ARID1B: variants seen among roughly 807,000 people sequenced by gnomAD.
ARID1B encodes the protein AT-rich interaction domain 1B.
Under a neutral mutation model 212.3 loss-of-function variants are expected in ARID1B, and 30 were observed. The observed-to-expected ratio is 0.14, with a 90% CI of 0.11 to 0.19. ARID1B has a LOEUF of 0.19. ARID1B is among the 10% of genes least tolerant of loss of function. ARID1B has a pLI of 1.00. For synonymous variants in ARID1B, 1,402 were observed against 1,301.7 expected (o/e 1.08, Z -1.66); for missense variants, 2,891 against 3,204.0 (o/e 0.90, Z 2.36).
At chr6:157,012,020 A>C (rs1255475678) in intron 4 of ARID1B, among the ~76,000 whole-genome samples, 2 of 152,252 alleles carry the variant, frequency 1.3e-5, no homozygotes, top group East Asian at 3.8e-4. Context: ...CTCAGAAGAA[A>C]CACATAAATG....
Position 157,084,864 on chromosome 6 carries a change from A to G in ARID1B, c.2450A>G (p.Asn817Ser), listed in dbSNP as rs763191352. The G allele has an allele frequency of 5.3e-5, 86 of 1,614,038 alleles. No individual in the cohort carries two copies. Among genetic ancestry groups the G allele is most frequent in the Non-Finnish European group, 6.9e-5 (82 of 1,180,016 alleles). Residue 817 changes from asparagine to serine, a missense_variant, in exon 5 of 20, where the codon AAC becomes AGC. By Grantham distance (46) the Asn-to-Ser change is conservative (BLOSUM62 1). This residue lies in a region of ARID1B where 1,643 missense variants were observed against 1,544.0 expected (regional missense o/e 1.06). Coordinates refer to ENST00000636930, the MANE Select transcript of ARID1B (RefSeq NM_001374828.1). Reference sequence around the variant, plus strand: ...CCTGTTGGCTCTCCTGTAGGAAGCAACCAGTCTCGATCTGGCCCAATCTCT... The same window carrying G: ...CCTGTTGGCTCTCCTGTAGGAAGCAGCCAGTCTCGATCTGGCCCAATCTCT... ...PSPVGSPVGS[N>S]QSRSGPISPA...
chr6:157,171,679 C>T (rs1278582561), intron 9 of ARID1B, among the ~76,000 whole-genome samples: 1 of 152,108 alleles, frequency 6.6e-6, no homozygotes. Flanking sequence ...AACAGTGCCA[C>T]TTTTGATAAT....
intron 4 of ARID1B, among the ~76,000 whole-genome samples, chr6:157,031,190 T>G (rs1249945448): frequency 6.6e-6 from 1 of 152,208 alleles, no homozygotes; most frequent in Non-Finnish European, 1.5e-5. Flanking sequence ...ACCCATATGC[T>G]TCTCCTGCAG....
chr6:156,937,068 C>G (rs1031991487), intron 4 of ARID1B: 5 of 151,218 alleles, frequency 3.3e-5, no homozygotes, highest in African/African-American at 1.2e-4. Flanking sequence ...TTCCCCCCCC[C>G]TTTAGTAGTG....
intron 4 of ARID1B, among the ~76,000 whole-genome samples, chr6:157,040,687 C>T (rs1781828402): frequency 6.6e-6 from 1 of 152,212 alleles, no homozygotes; most frequent in East Asian, 1.9e-4. Context: ...AGTGTGCAGT[C>T]TCGCAAAACT....
At chr6:157,187,688 A>G (rs1793066549) in intron 13 of ARID1B, among the ~76,000 whole-genome samples, 2 of 151,810 alleles carry the variant, frequency 1.3e-5, no homozygotes, top group Non-Finnish European at 1.5e-5. Context: ...GATGTCCTAG[A>G]GAGCCTGCCA....
intron 2 of ARID1B, among the ~76,000 whole-genome samples, chr6:156,834,542 T>C (rs914648333): frequency 6.6e-6 from 1 of 152,270 alleles, no homozygotes; most frequent in Admixed American, 6.5e-5. Context: ...TTAATTTATA[T>C]GTTAAACATA....
intron 12 of ARID1B, among the ~76,000 whole-genome samples, chr6:157,182,526 C>T (rs965982309): frequency 2.4e-4 from 37 of 152,090 alleles, no homozygotes; most frequent in South Asian, 2.1e-4. Flanking sequence ...ACCAAGGTGG[C>T]GGGGGTCACT....
chr6:157,127,797 A>AC (rs1441035837), intron 6 of ARID1B, among the ~76,000 whole-genome samples: 1 of 137,276 alleles, frequency 7.3e-6, no homozygotes, highest in East Asian at 2.0e-4. Context: ...AAAAAAAAAA[A>AC]AAAAAAAAAC....
chr6:156,929,538 A>G (rs987009180), intron 3 of ARID1B, among the ~76,000 whole-genome samples: 24 of 152,220 alleles, frequency 1.6e-4, no homozygotes, highest in African/African-American at 5.3e-4. Context: ...CCAAAGCACA[A>G]AGAGAAAAGG....
At chr6:156,896,600 A>AAAAAAAAG (rs1491291654) in intron 2 of ARID1B, among the ~76,000 whole-genome samples, 1 of 146,324 alleles carries the variant, frequency 6.8e-6, no homozygotes, top group African/African-American at 2.6e-5. Context: ...AAAAAAAAAA[A>AAAAAAAAG]GAGGACACAG....
intron 4 of ARID1B, among the ~76,000 whole-genome samples, chr6:157,073,737 T>G (rs1387559644): frequency 6.6e-6 from 1 of 152,204 alleles, no homozygotes; most frequent in Non-Finnish European, 1.5e-5. Context: ...GAGTTTACAC[T>G]GCTCTTACCC....
intron 8 of ARID1B, among the ~76,000 whole-genome samples, chr6:157,157,810 G>A (rs1790671347): frequency 6.6e-6 from 1 of 152,174 alleles, no homozygotes; most frequent in Admixed American, 6.5e-5. Context: ...ATTGCTTGAG[G>A]CCAGGAGTTC....
At chr6:157,078,534 CTG>C (rs1293742616) in intron 4 of ARID1B, among the ~76,000 whole-genome samples, 1 of 152,102 alleles carries the variant, frequency 6.6e-6, no homozygotes, top group Non-Finnish European at 1.5e-5. Context: ...AGCTTGAAAA[CTG>C]AGACTATTTT....
chr6:157,161,466 G>A lies in ARID1B; in HGVS notation c.3090-5574G>A, dbSNP rs866740409. Among the ~76,000 whole-genome samples the A allele has an allele frequency of 2.1e-5, 3 of 145,200 alleles. No homozygotes were observed. In the South Asian group the frequency reaches 6.4e-4, roughly 31 times the overall value. The stretch of plus-strand genomic sequence containing the variant: ...ATATATATATATATTTTGGCGGGGG[G>A]GCACATAGTAGTTTTCCCTCTTAAA... On this transcript the variant is annotated intron_variant, in intron 8 of 19. Transcript: ENST00000636930.
intron 7 of ARID1B, among the ~76,000 whole-genome samples, chr6:157,144,411 G>A (rs1789579403): frequency 6.6e-6 from 1 of 152,210 alleles, no homozygotes; most frequent in Admixed American, 6.5e-5. Flanking sequence ...TACCAACTGA[G>A]TCACTTATCC....
chr6:156,914,653 C>T (rs1023250757), intron 3 of ARID1B, among the ~76,000 whole-genome samples: 3 of 152,178 alleles, frequency 2.0e-5, no homozygotes, highest in African/African-American at 7.2e-5. Flanking sequence ...TGTACTTTTG[C>T]AACTTGGATC....
chr6:157,085,972 T>C (rs889527179), intron 5 of ARID1B, among the ~76,000 whole-genome samples: 4 of 152,248 alleles, frequency 2.6e-5, no homozygotes, highest in African/African-American at 7.2e-5. Flanking sequence ...TGGGTTTTTT[T>C]CTAAGAATTT....
rs370190261 is a variant in ARID1B at position 157,167,144 on chromosome 6, C to G, written c.3194C>G (p.Pro1065Arg). Reference protein sequence around the residue: ...NSSSLMNTQAPPYSMAPAMVN... With the variant: ...NSSSLMNTQARPYSMAPAMVN... ...TCTAGCCTGATGAACACGCAGGCGC[C>G]GCCCTACAGCATGGCGCCCGCCATG... The change falls in exon 9 of 20, where the codon CCG becomes CGG. Residue 1065 changes from proline to arginine, a missense_variant. By Grantham distance (103) the Pro-to-Arg change is moderately radical (BLOSUM62 -2). Transcript: ENST00000636930. 1 of 1,610,670 alleles carries G rather than the reference C, an allele frequency of 6.2e-7. No homozygotes were observed. Among genetic ancestry groups the G allele is most frequent in the Non-Finnish European group, 8.5e-7 (1 of 1,180,000 alleles).
Sources: gnomAD v4.1 joint callset for allele counts (sites outside exome capture counted in the v4.1 genomes callset) on GRCh38, gnomAD v4.1.1 for gene constraint, gnomAD v4.1.1 regional missense constraint, MANE v1.5 for transcripts, NCBI Gene and HGNC (gene_info 2026-07-23, HGNC 2026-07-21) for gene names.